DNM3: variants seen among roughly 807,000 people sequenced by gnomAD.
DNM3 encodes the protein dynamin 3.
DNM3 carries 47 observed loss-of-function variants against 101.6 expected under a neutral mutation model. The ratio of observed to expected loss-of-function variants is 0.46; its 90% CI spans 0.37 to 0.59. The LOEUF is 0.59. Among genes scored for constraint, DNM3 ranks in the 20% least tolerant of loss-of-function variants. The probability of loss-of-function intolerance (pLI) is 0.00; values close to 1 mark genes in which losing one functional copy is unlikely to be tolerated. For missense variants in DNM3, 849 were observed against 1,085.7 expected (o/e 0.78, Z 3.06); for synonymous variants, 385 against 387.9 (o/e 0.99, Z 0.09).
At chr1:172,108,852 G>T (rs1455773404) in intron 13 of DNM3, among the ~76,000 whole-genome samples, 1 of 152,218 alleles carries the variant, frequency 6.6e-6, no homozygotes, top group Non-Finnish European at 1.5e-5. Flanking sequence ...GCCTGTGATG[G>T]ATGGCCCCTG....
chr1:172,055,677 G>A (rs2050546948), intron 10 of DNM3, among the ~76,000 whole-genome samples: 2 of 152,146 alleles, frequency 1.3e-5, no homozygotes, highest in South Asian at 2.1e-4. Context: ...TTTAAAAAAT[G>A]AATTATGTCT....
intron 20 of DNM3, among the ~76,000 whole-genome samples, chr1:172,406,511 T>A (rs2070897126): frequency 6.6e-6 from 1 of 152,050 alleles, no homozygotes; most frequent in Non-Finnish European, 1.5e-5. Context: ...CTTTGAAGCC[T>A]CTTACACATT....
intron 1 of DNM3, among the ~76,000 whole-genome samples, chr1:171,843,171 A>T (rs2031534567): frequency 6.6e-6 from 1 of 151,986 alleles, no homozygotes; most frequent in African/African-American, 2.4e-5. Flanking sequence ...CTCAGATGAT[A>T]TTTTTTTTCC....
Position 172,387,361 on chromosome 1 carries a change from T to C in DNM3, c.2285+2T>C. The C allele has an allele frequency of 1.2e-6, 2 of 1,611,794 alleles. No individual in the cohort carries two copies. The highest frequency in any genetic ancestry group is 1.7e-6 in the Non-Finnish European group (2 of 1,178,970). ...CTCCTGGATACAGCACTCTCGCAGG[T>C]AAGAAGATGGCCCCGGCCGGGTGCG... On this transcript the variant is annotated splice_donor_variant, in intron 19 of 20. Coordinates refer to ENST00000627582, the MANE Select transcript of DNM3 (RefSeq NM_015569.5). LOFTEE classifies it high-confidence loss of function.
chr1:172,256,905 G>T (rs201048408), intron 15 of DNM3, among the ~76,000 whole-genome samples: 16 of 144,550 alleles, frequency 1.1e-4, no homozygotes, highest in Admixed American at 1.4e-4. Flanking sequence ...TCTTCATCAT[G>T]TTTTTTTTTT....
chr1:172,337,494 G>A (rs891021596), intron 17 of DNM3, among the ~76,000 whole-genome samples: 37 of 152,172 alleles, frequency 2.4e-4, no homozygotes, highest in African/African-American at 8.7e-4. Flanking sequence ...CTCCCTTCTG[G>A]TGATACACAA....
chr1:172,319,628 A>G (rs1014680482), intron 16 of DNM3, among the ~76,000 whole-genome samples: 9 of 152,386 alleles, frequency 5.9e-5, no homozygotes, highest in Admixed American at 2.0e-4. Context: ...GACACATGAA[A>G]AAATGCTCAT....
At chr1:172,250,610 ATGT>A (rs1045186094) in intron 14 of DNM3, among the ~76,000 whole-genome samples, 4 of 152,128 alleles carry the variant, frequency 2.6e-5, no homozygotes, top group Admixed American at 1.3e-4. Flanking sequence ...ACCTGGAATA[ATGT>A]TGTGGGAATG....
intron 4 of DNM3, among the ~76,000 whole-genome samples, chr1:172,012,557 T>G (rs1320964977): frequency 6.6e-6 from 1 of 151,996 alleles, no homozygotes; most frequent in Non-Finnish European, 1.5e-5. Context: ...TATTTTGGAG[T>G]GCAAATTCTC....
chr1:172,350,518 A>G (rs2067156423), intron 17 of DNM3, among the ~76,000 whole-genome samples: 1 of 152,192 alleles, frequency 6.6e-6, no homozygotes, highest in African/African-American at 2.4e-5. Flanking sequence ...AGAGGAAGAA[A>G]GGAAATTCTG....
chr1:171,966,068 T>A (rs757662215), intron 2 of DNM3, among the ~76,000 whole-genome samples: 7 of 152,206 alleles, frequency 4.6e-5, no homozygotes, highest in Non-Finnish European at 7.3e-5. Flanking sequence ...TTTCTTCTTA[T>A]GTTGCATTCA....
At chr1:172,081,943 G>T in intron 12 of DNM3, 41 bp downstream of exon 12, 2 of 1,583,858 alleles carry the variant, frequency 1.3e-6, no homozygotes, top group Non-Finnish European at 1.7e-6. Flanking sequence ...TCCTCCTGTT[G>T]ATTTGTCTCA....
At chr1:172,356,597 G>A (rs2067465056) in intron 17 of DNM3, among the ~76,000 whole-genome samples, 1 of 151,142 alleles carries the variant, frequency 6.6e-6, no homozygotes, top group African/African-American at 2.4e-5. Context: ...ATGATTCCAG[G>A]TCATTACCTA....
chr1:172,130,956 G>GAT (rs1279101835), intron 13 of DNM3, among the ~76,000 whole-genome samples: 2 of 152,154 alleles, frequency 1.3e-5, no homozygotes, highest in Non-Finnish European at 2.9e-5. Context: ...ATGAGTCTGA[G>GAT]ATTTTTATTC....
At chr1:172,215,805 C>T (rs2060674469) in intron 14 of DNM3, among the ~76,000 whole-genome samples, 1 of 151,942 alleles carries the variant, frequency 6.6e-6, no homozygotes, top group African/African-American at 2.4e-5. Flanking sequence ...AGAAACCTAG[C>T]TGTTGAACCA....
intron 17 of DNM3, among the ~76,000 whole-genome samples, chr1:172,324,152 G>C (rs931679159): frequency 1.3e-5 from 2 of 152,230 alleles, no homozygotes; most frequent in South Asian, 4.1e-4. Flanking sequence ...ATGGTCTTAC[G>C]TTTAGTTGGG....
intron 14 of DNM3, among the ~76,000 whole-genome samples, chr1:172,196,534 A>G (rs527281623): frequency 1.3e-5 from 2 of 152,104 alleles, no homozygotes; most frequent in Non-Finnish European, 2.9e-5. Context: ...ACAGTGTATA[A>G]GCATTCCCTT....
chr1:172,204,735 C>T (rs2060270129), intron 14 of DNM3, among the ~76,000 whole-genome samples: 1 of 152,044 alleles, frequency 6.6e-6, no homozygotes, highest in African/African-American at 2.4e-5. Flanking sequence ...CAAATACGGT[C>T]CCTCCTCTCA....
intron 14 of DNM3, among the ~76,000 whole-genome samples, chr1:172,216,006 A>T (rs1454020488): frequency 8.7e-4 from 129 of 147,898 alleles, no homozygotes; most frequent in African/African-American, 2.2e-3. Context: ...AATAAAATTA[A>T]AAAAAAAAAA....
Sources: allele counts gnomAD v4.1 joint callset (sites outside exome capture counted in the v4.1 genomes callset), GRCh38; gene constraint gnomAD v4.1.1; transcripts MANE v1.5; gene names NCBI Gene and HGNC (gene_info 2026-07-23, HGNC 2026-07-21).